GULP1: variants seen among roughly 807,000 people sequenced by gnomAD.
The protein encoded by GULP1 is GULP PTB domain containing engulfment adaptor 1.
In GULP1, 19 loss-of-function variants were observed where a neutral mutation model predicts 40.9. The ratio of observed to expected loss-of-function variants is 0.46; its 90% CI spans 0.32 to 0.68. The LOEUF is 0.68. GULP1 is among the 30% of genes least tolerant of loss of function. The pLI is 0.03. For missense variants in GULP1, 312 were observed against 362.2 expected, an observed-to-expected ratio of 0.86 and a Z score of 1.12; for synonymous variants, 119 against 117.6, an observed-to-expected ratio of 1.01 and a Z score of -0.08.
At chr2:188,559,534 G>C (rs1214347494) in intron 7 of GULP1, among the ~76,000 whole-genome samples, 3 of 152,184 alleles carry the variant, frequency 2.0e-5, no homozygotes, top group Non-Finnish European at 4.4e-5. Context: ...ACTGCCTAGG[G>C]GAGCTGTGAG....
Position 188,376,229 on chromosome 2 carries a change from A to G in GULP1, c.-171-7534A>G, listed in dbSNP as rs540361149. ...CCCAAAATTAAATGTAATTAAATCT[A>G]TAAAACACACTAGACAAATACAATT... On this transcript the variant is annotated intron_variant, in intron 1 of 11. Coordinates refer to ENST00000409830, the MANE Select transcript of GULP1 (RefSeq NM_016315.4). 1.6e-4 allele frequency among the ~76,000 whole-genome samples: 25 copies of G among 152,366 alleles called. 1 individual carries two copies. The highest frequency in any genetic ancestry group is 5.8e-4 in the African/African-American group (24 of 41,592).
At chr2:188,532,346 G>C (rs1160688725) in intron 6 of GULP1, among the ~76,000 whole-genome samples, 1 of 152,134 alleles carries the variant, frequency 6.6e-6, no homozygotes, top group East Asian at 1.9e-4. Context: ...GAATTCACAG[G>C]TTAATAATGG....
chr2:188,396,136 G>A (rs146776714), intron 2 of GULP1, among the ~76,000 whole-genome samples: 4 of 152,324 alleles, frequency 2.6e-5, no homozygotes, highest in African/African-American at 9.6e-5. Context: ...GAAGAGTGCT[G>A]GATGCTGTAG....
In GULP1 at chr2:188,593,675, T is replaced by A. The variant is rs1704032292; in HGVS notation, c.844-265T>A. On this transcript the variant is annotated intron_variant, in intron 11 of 11. Transcript: ENST00000409830. ...ACTAGCCTTTTCTGAAAAAGAAACCTTTATCTTAATTTTATGTTTTCTCTT... is the reference window on the plus strand; with the variant it reads ...ACTAGCCTTTTCTGAAAAAGAAACCATTATCTTAATTTTATGTTTTCTCTT... The A allele has an allele frequency of 1.7e-5, 4 of 238,294 alleles. No homozygotes were observed. In the Admixed American group the frequency reaches 2.2e-4, roughly 13 times the overall value. 14.8% of individuals were successfully genotyped at this position (238,294 alleles called of 1,614,324 possible).
At chr2:188,326,157 A>G (rs1242555275) in intron 1 of GULP1, among the ~76,000 whole-genome samples, 2 of 152,106 alleles carry the variant, frequency 1.3e-5, no homozygotes, top group Non-Finnish European at 1.5e-5. Flanking sequence ...ATCAGAACCT[A>G]GCTCACCTGG....
chr2:188,413,933 G>C (rs1356867605), intron 2 of GULP1, among the ~76,000 whole-genome samples: 1 of 152,022 alleles, frequency 6.6e-6, no homozygotes, highest in African/African-American at 2.4e-5. Flanking sequence ...TGTAAAAATG[G>C]GTTTAGTTGG....
intron 4 of GULP1, chr2:188,491,557 A>T (rs953616250): frequency 1.3e-5 from 2 of 152,058 alleles, no homozygotes; most frequent in Non-Finnish European, 2.9e-5. Context: ...TTATCAATGG[A>T]TTATGTGGTT....
chr2:188,472,608 G>T (rs1314328536), intron 2 of GULP1, among the ~76,000 whole-genome samples: 1 of 151,916 alleles, frequency 6.6e-6, no homozygotes, highest in Non-Finnish European at 1.5e-5. Context: ...CATTTTTCAG[G>T]TCCAGAATTT....
At chr2:188,476,407 C>T (rs1049990206) in intron 2 of GULP1, among the ~76,000 whole-genome samples, 2 of 152,056 alleles carry the variant, frequency 1.3e-5, no homozygotes, top group African/African-American at 2.4e-5. Context: ...GAAAGTTTTA[C>T]CCAGAATTCA....
chr2:188,515,055 A>G (rs189856048), intron 4 of GULP1, among the ~76,000 whole-genome samples: 2 of 152,314 alleles, frequency 1.3e-5, no homozygotes, highest in East Asian at 3.9e-4. Context: ...CATTTCTCTG[A>G]GGTAAATACT....
intron 7 of GULP1, among the ~76,000 whole-genome samples, chr2:188,553,469 G>A (rs1694006588): frequency 6.6e-6 from 1 of 151,982 alleles, no homozygotes; most frequent in South Asian, 2.1e-4. Flanking sequence ...CACCTTTACT[G>A]ATTTGTATAT....
intron 11 of GULP1, 63 bp downstream of exon 11, chr2:188,588,012 A>C: frequency 2.3e-6 from 2 of 865,776 alleles, no homozygotes; most frequent in South Asian, 1.3e-5. Context: ...GACAAAGAGA[A>C]TGTTATGTAC....
At chr2:188,481,680 T>C (rs932437273) in intron 3 of GULP1, among the ~76,000 whole-genome samples, 7 of 151,950 alleles carry the variant, frequency 4.6e-5, no homozygotes, top group Non-Finnish European at 4.4e-5. Flanking sequence ...TGCCTCAGGA[T>C]TGGTGTGACC....
chr2:188,554,561 A>G lies in GULP1; in HGVS notation c.399+13243A>G, dbSNP rs189067299. Reference sequence around the variant, plus strand: ...TTTGTTGAGACTTGTTTTGTGGCCTAATATATGGGCTATACTGGGGAATGT... The same window carrying G: ...TTTGTTGAGACTTGTTTTGTGGCCTGATATATGGGCTATACTGGGGAATGT... On this transcript the variant is annotated intron_variant, in intron 7 of 11. Coordinates refer to ENST00000409830, the MANE Select transcript of GULP1 (RefSeq NM_016315.4). 2.8e-3 allele frequency among the ~76,000 whole-genome samples: 425 copies of G among 151,642 alleles called. 8 individuals are homozygous for G. The highest frequency in any genetic ancestry group is 0.021 in the Admixed American group (327 of 15,222).
chr2:188,362,691 A>C (rs975104490), intron 1 of GULP1, among the ~76,000 whole-genome samples: 4 of 152,100 alleles, frequency 2.6e-5, no homozygotes, highest in Admixed American at 2.6e-4. Flanking sequence ...ATATGCCAAG[A>C]TATTAGATGT....
intron 1 of GULP1, among the ~76,000 whole-genome samples, chr2:188,306,043 G>C (rs978455652): frequency 6.6e-6 from 1 of 152,130 alleles, no homozygotes; most frequent in Non-Finnish European, 1.5e-5. Flanking sequence ...CTCCCAAAGT[G>C]CTGGGATTAT....
At chr2:188,365,623 A>G (rs187870424) in intron 1 of GULP1, among the ~76,000 whole-genome samples, 1 of 152,276 alleles carries the variant, frequency 6.6e-6, no homozygotes, top group Non-Finnish European at 1.5e-5. Flanking sequence ...AATGTCTGCA[A>G]CATTGTCTGA....
chr2:188,464,867 G>A (rs765525625), intron 2 of GULP1, among the ~76,000 whole-genome samples: 14 of 152,140 alleles, frequency 9.2e-5, no homozygotes, highest in Non-Finnish European at 1.6e-4. Flanking sequence ...TCAGCTTCTA[G>A]TGAATGTTGT....
intron 11 of GULP1, chr2:188,593,087 C>G (rs1243750932): frequency 3.3e-5 from 5 of 152,054 alleles, no homozygotes; most frequent in Admixed American, 6.6e-5. Flanking sequence ...CCTCCACTTT[C>G]ATTGATCAGT....
Sources: allele counts gnomAD v4.1 joint callset (sites outside exome capture counted in the v4.1 genomes callset), GRCh38; gene constraint gnomAD v4.1.1; transcripts MANE v1.5; gene names NCBI Gene and HGNC (gene_info 2026-07-23, HGNC 2026-07-21).